The following TEX35 variants were observed in gnomAD, a reference collection of about 807,000 sequenced individuals.
TEX35 encodes testis-expressed protein 35.
Under a neutral mutation model 31.9 loss-of-function variants are expected in TEX35, and 26 were observed. That is an observed-to-expected ratio of 0.81 (90% CI 0.60 to 1.13). The LOEUF is 1.13. Among genes scored for constraint, TEX35 ranks in the 50% most tolerant of loss-of-function variants. The probability of loss-of-function intolerance (pLI) is 0.00; values close to 1 mark genes in which losing one functional copy is unlikely to be tolerated. For missense variants in TEX35, 278 were observed against 273.5 expected, an observed-to-expected ratio of 1.02 and a Z score of -0.12; for synonymous variants, 87 against 90.7, an observed-to-expected ratio of 0.96 and a Z score of 0.23.
Position 178,513,121 on chromosome 1 carries a change from G to A in TEX35, c.-68G>A. The A allele has an allele frequency of 6.5e-7, 1 of 1,548,668 alleles. No individual in the cohort carries two copies. The highest frequency in any genetic ancestry group is 8.9e-7 in the Non-Finnish European group (1 of 1,121,750). ...CTGCCCTCACCTTGACCTGTAAGTTGCCTAGGACAGTGGCCTGGTCCCAGG... is the reference window on the plus strand; with the variant it reads ...CTGCCCTCACCTTGACCTGTAAGTTACCTAGGACAGTGGCCTGGTCCCAGG... On this transcript the variant is annotated 5_prime_UTR_variant, in exon 1 of 9. Coordinates refer to ENST00000319416, the MANE Select transcript of TEX35 (RefSeq NM_032126.5).
At chr1:178,519,818 T>C (rs564340358) in intron 5 of TEX35, among the ~76,000 whole-genome samples, 3 of 152,368 alleles carry the variant, frequency 2.0e-5, no homozygotes, top group Admixed American at 1.3e-4. Context: ...CCAGGTCACA[T>C]TTTATAGATC....
At chr1:178,514,290 G>T in intron 2 of TEX35, 1 of 1,452,436 alleles carries the variant, frequency 6.9e-7, no homozygotes, top group Non-Finnish European at 9.2e-7. Flanking sequence ...TACCTGCTCT[G>T]CTGGGAATCA....
intron 3 of TEX35, among the ~76,000 whole-genome samples, chr1:178,514,982 C>T (rs904705109): frequency 2.0e-5 from 3 of 152,224 alleles, no homozygotes; most frequent in Non-Finnish European, 2.9e-5. Flanking sequence ...TGCATAACAA[C>T]AGAAAGGGGA....
At position 178,514,033 on chromosome 1, in the gene TEX35, A is replaced by G. The variant is rs749062173; in HGVS notation, c.46A>G (p.Asn16Asp). ...CAGTCTCCTCTTTTTGCAGAGCAAG[A>G]ACTACAAGGCAGTTTGCCTGGAATT... ...AELKKTHLSK[N>D]YKAVCLELKP... The change falls in exon 2 of 9, where the codon AAC becomes GAC. Residue 16 changes from asparagine (N) to aspartate (D), a missense_variant. Physicochemically the swap from Asn to Asp is conservative, Grantham distance 23. Coordinates refer to ENST00000319416, the MANE Select transcript of TEX35 (RefSeq NM_032126.5). 12 of 1,613,890 alleles carry G rather than the reference A, an allele frequency of 7.4e-6. No homozygotes were observed. Among genetic ancestry groups the G allele is most frequent in the Non-Finnish European group, 9.3e-6 (11 of 1,179,996 alleles).
chr1:178,514,606 G>A, intron 2 of TEX35, 94 bp from the exon 3 acceptor site: 1 of 1,264,220 alleles, frequency 7.9e-7, no homozygotes, highest in Non-Finnish European at 1.1e-6. Flanking sequence ...AGCCCTAAGG[G>A]AGGAACAGAA....
Position 178,516,654 on chromosome 1 carries a change from G to A in TEX35, c.256G>A (p.Glu86Lys), listed in dbSNP as rs200491990. 12 of 1,612,608 alleles carry A rather than the reference G, an allele frequency of 7.4e-6. No homozygotes were observed. The highest frequency in any genetic ancestry group is 2.2e-5 in the East Asian group (1 of 44,878). Residue 86 changes from glutamate to lysine, a missense_variant, in exon 5 of 9, where the codon GAA (glutamate) becomes AAA (lysine). Glu to Lys is a moderately conservative substitution (Grantham distance 56, BLOSUM62 1). Transcript: ENST00000319416. ...GGACAAGGATTTTGATAAACTTCAC[G>A]AATTTGTGGAAATTATGAAGGTAAG... The part of the protein sequence containing the change: ...LMDKDFDKLH[E>K]FVEIMKEMQK...
intron 5 of TEX35, among the ~76,000 whole-genome samples, chr1:178,519,730 C>A (rs1650198677): frequency 6.6e-6 from 1 of 151,990 alleles, no homozygotes; most frequent in African/African-American, 2.4e-5. Flanking sequence ...ACCTGTTTTT[C>A]TCTGTGACAA....
At chr1:178,516,154 C>T (rs1650067675) in intron 4 of TEX35, among the ~76,000 whole-genome samples, 1 of 152,154 alleles carries the variant, frequency 6.6e-6, no homozygotes, top group Non-Finnish European at 1.5e-5. Flanking sequence ...GGTGATGTCA[C>T]CTTAGTGATG....
rs532634756 is a variant in TEX35 at position 178,518,171 on chromosome 1, T to C, written c.276+1497T>C. On this transcript the variant is annotated intron_variant, in intron 5 of 8. Coordinates refer to ENST00000319416, the MANE Select transcript of TEX35 (RefSeq NM_032126.5). ...ACAAAGGCCTGACCTCATAATTAAA[T>C]ACATGCAAATGAACAATCAATTATT... 2.0e-5 allele frequency among the ~76,000 whole-genome samples: 3 copies of C among 152,214 alleles called. No individual in the cohort carries two copies. The South Asian group carries it at 6.2e-4, about 32-fold the overall frequency.
intron 8 of TEX35, chr1:178,522,022 T>C (rs1650304640): frequency 1.4e-6 from 1 of 690,576 alleles, no homozygotes; most frequent in African/African-American, 1.8e-5. Context: ...GGTCATAGCA[T>C]GGGGAGGGCC....
At chr1:178,516,334 G>A (rs761808549) in intron 4 of TEX35, among the ~76,000 whole-genome samples, 11 of 152,182 alleles carry the variant, frequency 7.2e-5, no homozygotes, top group African/African-American at 2.2e-4. Context: ...GCGAATAATC[G>A]AGCAAGAAAG....
chr1:178,521,627 C>G, intron 8 of TEX35: 1 of 1,552,324 alleles, frequency 6.4e-7, no homozygotes, highest in South Asian at 1.2e-5. Context: ...TCTGATTTAT[C>G]TGTACCTCAA....
intron 8 of TEX35, chr1:178,521,505 C>G: frequency 8.8e-7 from 1 of 1,131,106 alleles, no homozygotes; most frequent in Non-Finnish European, 1.3e-6. Context: ...GAGGGTGCAC[C>G]ACTAGTGGCG....
At chr1:178,523,158 T>C, downstream of TEX35, 1 of 544,998 alleles carries the variant, frequency 1.8e-6, no homozygotes, top group Admixed American at 2.9e-5. Context: ...TGAATAGAAC[T>C]CAATTGTGTG....
At chr1:178,517,934 T>A (rs1650139595) in intron 5 of TEX35, among the ~76,000 whole-genome samples, 1 of 152,154 alleles carries the variant, frequency 6.6e-6, no homozygotes, top group African/African-American at 2.4e-5. Flanking sequence ...AAGATTTTTT[T>A]AAAAGAATTA....
intron 5 of TEX35, among the ~76,000 whole-genome samples, chr1:178,517,552 GC>G (rs1178799135): frequency 5.3e-5 from 8 of 152,274 alleles, no homozygotes; most frequent in African/African-American, 1.4e-4. Context: ...CCCCATCCAG[GC>G]TACACCTCAT....
intron 1 of TEX35, 110 bp from the exon 2 acceptor site, chr1:178,513,917 G>T: frequency 7.7e-7 from 1 of 1,290,750 alleles, no homozygotes. Context: ...GGACAGGCAG[G>T]GTTGCATGGT....
intron 8 of TEX35, chr1:178,521,904 C>T: frequency 7.4e-7 from 1 of 1,345,312 alleles, no homozygotes; most frequent in South Asian, 1.5e-5. Flanking sequence ...CAGACTCCAA[C>T]CCTTCCCCCT....
At chr1:178,513,681 C>A (rs879666285) in intron 1 of TEX35, among the ~76,000 whole-genome samples, 1 of 152,250 alleles carries the variant, frequency 6.6e-6, no homozygotes, top group Non-Finnish European at 1.5e-5. Context: ...GACTATAGTG[C>A]AAATCTGCCT....
Sources: allele counts gnomAD v4.1 joint callset (sites outside exome capture counted in the v4.1 genomes callset), GRCh38; gene constraint gnomAD v4.1.1; transcripts MANE v1.5; gene names NCBI Gene and HGNC (gene_info 2026-07-23, HGNC 2026-07-21).